SMURF1: variants seen among roughly 807,000 people sequenced by gnomAD.
The protein encoded by SMURF1 is SMAD specific E3 ubiquitin protein ligase 1, also known as E3 ubiquitin-protein ligase SMURF1.
A neutral mutation model predicts 98.0 loss-of-function variants in SMURF1; 44 were observed. The ratio of observed to expected loss-of-function variants is 0.45; its 90% CI spans 0.35 to 0.58. SMURF1 has a LOEUF of 0.58. Among genes scored for constraint, SMURF1 ranks in the 20% least tolerant of loss-of-function variants. The pLI is 0.00. For synonymous variants in SMURF1, 396 were observed against 374.9 expected, an observed-to-expected ratio of 1.06 and a Z score of -0.65; for missense variants, 687 against 938.4, an observed-to-expected ratio of 0.73 and a Z score of 3.50.
chr7:99,063,232 A>AT, intron 1 of SMURF1, among the ~76,000 whole-genome samples: 1 of 105,952 alleles, frequency 9.4e-6, no homozygotes, highest in East Asian at 2.9e-4. Context: ...ATATATATAT[A>AT]AGATTTATTT....
rs925103457 is a variant in SMURF1 at position 99,040,304 on chromosome 7, C to T, written c.1550+74G>A. ...CAAAATACACACACACGCGCGCGCG[C>T]GCGCACGCGCATACATACGATAGAC... On this transcript the variant is annotated intron_variant, in intron 13 of 17. Transcript: ENST00000361368. The T allele has an allele frequency of 5.0e-5, 66 of 1,330,554 alleles. No homozygotes were observed. The East Asian group carries it at 9.1e-4, about 18-fold the overall frequency. The allele number at this position is 1,330,554 out of a possible 1,614,324, so 82.4% of individuals were successfully genotyped here.
chr7:99,054,558 G>A (rs1043307357), intron 6 of SMURF1, among the ~76,000 whole-genome samples: 3 of 151,844 alleles, frequency 2.0e-5, no homozygotes, highest in Non-Finnish European at 4.4e-5. Context: ...CACCTGCCTC[G>A]GCCTCCCAAA....
chr7:99,083,455 G>A (rs1796612983), intron 1 of SMURF1, among the ~76,000 whole-genome samples: 1 of 152,160 alleles, frequency 6.6e-6, no homozygotes, highest in Non-Finnish European at 1.5e-5. Context: ...ACTAGGAGAA[G>A]AGAAAACATA....
intron 1 of SMURF1, among the ~76,000 whole-genome samples, chr7:99,105,806 ACT>A (rs1399525946): frequency 6.6e-6 from 1 of 152,086 alleles, no homozygotes; most frequent in Non-Finnish European, 1.5e-5. Flanking sequence ...TTGGATGAAG[ACT>A]CTCTATATCG....
At chr7:99,066,245 C>T (rs533357567) in intron 1 of SMURF1, among the ~76,000 whole-genome samples, 1 of 152,206 alleles carries the variant, frequency 6.6e-6, no homozygotes, top group East Asian at 1.9e-4. Flanking sequence ...AGAACTCTAG[C>T]CTTATGAGCC....
chr7:99,045,085 G>C (rs948372195), intron 11 of SMURF1, among the ~76,000 whole-genome samples: 2 of 152,076 alleles, frequency 1.3e-5, no homozygotes, highest in Non-Finnish European at 2.9e-5. Context: ...GCTGCAGTGA[G>C]CTATGATTGT....
At position 99,045,625 on chromosome 7, in the gene SMURF1, A is replaced by G. The variant is rs999627461; in HGVS notation, c.1256+73T>C. ...AGGAGTGCTTGGTGATGAGCACTGG[A>G]GAAGGGCAAATGACTTCTCTTGAAA... On this transcript the variant is annotated intron_variant, in intron 11 of 17. Transcript: ENST00000361368. The G allele has an allele frequency of 2.4e-5, 31 of 1,292,170 alleles. No homozygotes were observed. The Admixed American group carries it at 5.3e-4, about 22-fold the overall frequency. 80.0% of individuals were successfully genotyped at this position (1,292,170 alleles called of 1,614,324 possible).
chr7:99,099,352 G>T (rs1797023862), intron 1 of SMURF1, among the ~76,000 whole-genome samples: 1 of 151,800 alleles, frequency 6.6e-6, no homozygotes, highest in African/African-American at 2.4e-5. Flanking sequence ...TTGCTTTGCT[G>T]TCACTCCACA....
chr7:99,049,607 G>T lies in SMURF1; in HGVS notation c.909C>A (p.Asn303Lys), dbSNP rs768901199. ...SGRIYFVDHN[N>K]RTTQFTDPRL... ...TTGGGTCTGTAAACTGGGTTGTTCG[G>T]TTATTATGATCTACAAAATATATCC... The change falls in exon 9 of 18, where the codon AAC becomes AAA. Residue 303 changes from asparagine (N) to lysine (K), a missense_variant. By Grantham distance (94) the Asn-to-Lys change is moderately conservative. This residue lies in a region of SMURF1 where 415 missense variants were observed against 508.4 expected (regional missense o/e 0.82). Coordinates refer to ENST00000361368, the MANE Select transcript of SMURF1 (RefSeq NM_181349.3). The T allele has an allele frequency of 2.5e-6, 4 of 1,614,126 alleles. 1 individual carries two copies. The South Asian group carries it at 4.4e-5, about 18-fold the overall frequency.
chr7:99,072,242 T>C (rs1563016638), intron 1 of SMURF1, among the ~76,000 whole-genome samples: 2 of 152,218 alleles, frequency 1.3e-5, no homozygotes, highest in Non-Finnish European at 2.9e-5. Flanking sequence ...CAGGCTGGTC[T>C]CAAACTCTTG....
chr7:99,081,749 T>C (rs1796581257), intron 1 of SMURF1, among the ~76,000 whole-genome samples: 1 of 152,172 alleles, frequency 6.6e-6, no homozygotes, highest in African/African-American at 2.4e-5. Context: ...GCCTCCCAGG[T>C]TCAAGCTATT....
chr7:99,037,021 C>T lies in SMURF1; in HGVS notation c.1809+46G>A, dbSNP rs377206489. ...GCAAGGATTTAAAACAGGCAGACGC[C>T]AGCCACAGGGACGCCCTGGGTCGAC... is the stretch of plus-strand genomic sequence containing the variant. On this transcript the variant is annotated intron_variant, in intron 15 of 17. Coordinates refer to ENST00000361368, the MANE Select transcript of SMURF1 (RefSeq NM_181349.3). The T allele has an allele frequency of 3.1e-6, 5 of 1,611,802 alleles. No homozygotes were observed. In the African/African-American group the frequency reaches 6.7e-5, roughly 22 times the overall value.
At chr7:99,041,088 G>GT (rs1795360909) in intron 12 of SMURF1, among the ~76,000 whole-genome samples, 1 of 152,160 alleles carries the variant, frequency 6.6e-6, no homozygotes, top group South Asian at 2.1e-4. Flanking sequence ...AGGAAAATAT[G>GT]TATGAGTAAG....
rs1428250377 is a variant in SMURF1 at position 99,143,604 on chromosome 7, G to T, written c.55+122C>A. Reference sequence around the variant, plus strand: ...GAAGCGAGGGGCGCACGCCGAAGGGGGTGACGAGGTCCTGGGACAACGGCC... The same window carrying T: ...GAAGCGAGGGGCGCACGCCGAAGGGTGTGACGAGGTCCTGGGACAACGGCC... On this transcript the variant is annotated intron_variant, in intron 1 of 17. Coordinates refer to ENST00000361368, the MANE Select transcript of SMURF1 (RefSeq NM_181349.3). 7.8e-6 allele frequency: 6 copies of T among 772,386 alleles called. No homozygotes were observed. The South Asian group carries it at 8.0e-5, about 10-fold the overall frequency. 47.8% of individuals were successfully genotyped at this position (772,386 alleles called of 1,614,324 possible).
chr7:99,038,344 A>T, intron 14 of SMURF1, 44 bp downstream of exon 14: 2 of 1,604,808 alleles, frequency 1.2e-6, no homozygotes, highest in Non-Finnish European at 1.7e-6. Context: ...ATGCAGGCTC[A>T]GCCGCGCCCC....
intron 6 of SMURF1, among the ~76,000 whole-genome samples, chr7:99,052,908 A>T (rs577229770): frequency 6.6e-6 from 1 of 152,184 alleles, no homozygotes; most frequent in Non-Finnish European, 1.5e-5. Flanking sequence ...TACTAAAAAT[A>T]CAAAAATTAG....
chr7:99,120,458 C>A (rs1022362810), intron 1 of SMURF1, among the ~76,000 whole-genome samples: 1 of 152,120 alleles, frequency 6.6e-6, no homozygotes, highest in Non-Finnish European at 1.5e-5. Context: ...CCCTCAGAGT[C>A]GTGATTGTTT....
chr7:99,054,979 A>G (rs1414982797), intron 5 of SMURF1, 114 bp from the exon 6 acceptor site: 2 of 851,458 alleles, frequency 2.3e-6, no homozygotes, highest in Non-Finnish European at 3.9e-6. Flanking sequence ...AACGAGGCAT[A>G]TGTGTATGCA....
chr7:99,077,104 A>G (rs1290929777), intron 1 of SMURF1, among the ~76,000 whole-genome samples: 1 of 152,042 alleles, frequency 6.6e-6, no homozygotes, highest in African/African-American at 2.4e-5. Flanking sequence ...ATGTCAACTA[A>G]TACAGTATAA....
Sources: allele counts gnomAD v4.1 joint callset (sites outside exome capture counted in the v4.1 genomes callset), GRCh38; gene constraint gnomAD v4.1.1; regional missense constraint gnomAD v4.1.1; transcripts MANE v1.5; gene names NCBI Gene and HGNC (gene_info 2026-07-23, HGNC 2026-07-21).